Variants in NAA25 observed in about 807,000 individuals in gnomAD.
The protein encoded by NAA25 is N-alpha-acetyltransferase 25, NatB auxiliary subunit, also known as N-terminal acetyltransferase B complex subunit NAA25.
Under a neutral mutation model 132.5 loss-of-function variants are expected in NAA25, and 30 were observed. The ratio of observed to expected loss-of-function variants is 0.23; its 90% CI spans 0.17 to 0.31. The LOEUF (loss-of-function observed/expected upper bound fraction) is 0.31, where lower values mean the gene tolerates loss of function less well. Among genes scored for constraint, NAA25 ranks in the 10% least tolerant of loss-of-function variants. NAA25 has a pLI of 1.00. For missense variants in NAA25, 771 were observed against 1,150.4 expected (o/e 0.67, Z 4.77); for synonymous variants, 359 against 401.9 (o/e 0.89, Z 1.28).
At chr12:112,059,447 G>A (rs1343412853) in intron 13 of NAA25, among the ~76,000 whole-genome samples, 1 of 152,150 alleles carries the variant, frequency 6.6e-6, no homozygotes, top group African/African-American at 2.4e-5. Flanking sequence ...AAGAGAAAAT[G>A]TCAGGGGGTG....
intron 1 of NAA25, among the ~76,000 whole-genome samples, chr12:112,106,148 C>A (rs1593848276): frequency 6.6e-6 from 1 of 152,190 alleles, no homozygotes; most frequent in South Asian, 2.1e-4. Context: ...CTGAAGAAAG[C>A]CTCTTCTAAT....
At chr12:112,095,266 T>C (rs2079195018) in intron 1 of NAA25, among the ~76,000 whole-genome samples, 1 of 151,744 alleles carries the variant, frequency 6.6e-6, no homozygotes, top group Non-Finnish European at 1.5e-5. Flanking sequence ...TGAAACCCCA[T>C]CTCTACTAAA....
At chr12:112,080,681 A>G (rs533614681) in intron 5 of NAA25, among the ~76,000 whole-genome samples, 53 of 151,950 alleles carry the variant, frequency 3.5e-4, no homozygotes, top group Non-Finnish European at 7.2e-4. Context: ...TTATATTTTT[A>G]GTAGAGATGG....
intron 13 of NAA25, among the ~76,000 whole-genome samples, chr12:112,054,775 C>A (rs568803856): frequency 6.6e-6 from 1 of 152,260 alleles, no homozygotes; most frequent in South Asian, 2.1e-4. Context: ...TATTCTTAAA[C>A]ATGCCCACAG....
rs11066144 is a variant in NAA25, at chr12:112,069,757, T to C, written c.1037-765A>G. Among the ~76,000 whole-genome samples the C allele has an allele frequency of 0.055, 8,294 of 150,828 alleles. 1,251 individuals carry two copies. In the East Asian group the frequency reaches 0.61, roughly 11 times the overall value. On this transcript the variant is annotated intron_variant, in intron 10 of 23. Transcript: ENST00000261745. Reference sequence around the variant, plus strand: ...ACTGTTTGAACCTGGGAGGCGGAAGTTGCAGTGAGCCGAGACTGCGCCACT... The same window carrying C: ...ACTGTTTGAACCTGGGAGGCGGAAGCTGCAGTGAGCCGAGACTGCGCCACT...
intron 17 of NAA25, among the ~76,000 whole-genome samples, chr12:112,047,367 G>A (rs1290302744): frequency 6.6e-6 from 1 of 151,860 alleles, no homozygotes; most frequent in Non-Finnish European, 1.5e-5. Context: ...GAATAGCTGG[G>A]ATTACAGGCA....
chr12:112,053,162 T>A (rs975587645), intron 15 of NAA25, among the ~76,000 whole-genome samples: 2 of 152,216 alleles, frequency 1.3e-5, no homozygotes, highest in African/African-American at 4.8e-5. Context: ...TGGACATACA[T>A]TTCAGAGTTA....
At chr12:112,069,365 G>A (rs996326002) in intron 10 of NAA25, among the ~76,000 whole-genome samples, 3 of 152,100 alleles carry the variant, frequency 2.0e-5, no homozygotes, top group African/African-American at 4.8e-5. Flanking sequence ...TTAGCTGGGC[G>A]TGGCAGCACA....
At chr12:112,042,648 A>T (rs2136815172) in intron 19 of NAA25, among the ~76,000 whole-genome samples, 1 of 152,280 alleles carries the variant, frequency 6.6e-6, no homozygotes, top group African/African-American at 2.4e-5. Context: ...ATAAGACTAC[A>T]GGCGCCCGCC....
At chr12:112,073,049 C>G (rs1366037269) in intron 9 of NAA25, among the ~76,000 whole-genome samples, 2 of 151,788 alleles carry the variant, frequency 1.3e-5, no homozygotes, top group Non-Finnish European at 2.9e-5. Flanking sequence ...GCCTGGGCAA[C>G]ATGGTAAAAC....
rs1227149836 is a variant in NAA25, at chr12:112,054,420, G to A, written c.1596C>T (p.Leu532=). The A allele has an allele frequency of 3.1e-6, 5 of 1,613,862 alleles. No individual in the cohort carries two copies. Among genetic ancestry groups the A allele is most frequent in the African/African-American group, 1.3e-5 (1 of 74,864 alleles). Residue 532 remains leucine, a synonymous_variant, in exon 14 of 24, where the codon CTC becomes CTT. Coordinates refer to ENST00000261745, the MANE Select transcript of NAA25 (RefSeq NM_024953.4). The part of the protein sequence containing the change: ...FEPVVDLYSS[L]DAKHIQHDTI... Reference sequence around the variant, plus strand: ...TATCATGCTGGATATGCTTAGCATCGAGGCTGGAGTAAAGATCCACCACTG... The same window carrying A: ...TATCATGCTGGATATGCTTAGCATCAAGGCTGGAGTAAAGATCCACCACTG...
Position 112,043,758 on chromosome 12 carries a change from G to C in NAA25, c.2117C>G (p.Pro706Arg), listed in dbSNP as rs780387848. The C allele has an allele frequency of 6.2e-7, 1 of 1,613,976 alleles. No homozygotes were observed. Among genetic ancestry groups the C allele is most frequent in the Non-Finnish European group, 8.5e-7 (1 of 1,180,022 alleles). The change falls in exon 18 of 24, where the codon CCT becomes CGT. Residue 706 changes from proline to arginine, a missense_variant. By Grantham distance (103) the Pro-to-Arg change is moderately radical. Transcript: ENST00000261745. ...CTTCTCCGAGTTCTTTGGCTCCACAGGGTGGTTGAGACTTGGAAGTCCACT... is the reference window on the plus strand; with the variant it reads ...CTTCTCCGAGTTCTTTGGCTCCACACGGTGGTTGAGACTTGGAAGTCCACT... ...LISGLPSLNH[P>R]VEPKNSEKTA...
intron 2 of NAA25, among the ~76,000 whole-genome samples, chr12:112,092,322 G>T (rs73207611): frequency 6.6e-6 from 1 of 151,676 alleles, no homozygotes; most frequent in Non-Finnish European, 1.5e-5. Context: ...ATAAAGTACC[G>T]AGAAAAAAAC....
At chr12:112,046,678 A>G (rs999198301) in intron 17 of NAA25, among the ~76,000 whole-genome samples, 1 of 152,248 alleles carries the variant, frequency 6.6e-6, no homozygotes, top group Non-Finnish European at 1.5e-5. Context: ...TATAAAATTT[A>G]TCCCTGTGTA....
Position 112,049,507 on chromosome 12 carries a change from T to C in NAA25, c.1729-1064A>G. 5 of 985,812 alleles carry C rather than the reference T, an allele frequency of 5.1e-6. No homozygotes were observed. Among genetic ancestry groups the C allele is most frequent in the Non-Finnish European group, 6.0e-6 (5 of 829,942 alleles). 61.1% of individuals were successfully genotyped at this position (985,812 alleles called of 1,614,324 possible). On this transcript the variant is annotated intron_variant, in intron 15 of 23. Coordinates refer to ENST00000261745, the MANE Select transcript of NAA25 (RefSeq NM_024953.4). This position sits in a 1 kb window ranked among gnomAD's most constrained non-coding sequence, Gnocchi z 4.7. The stretch of plus-strand genomic sequence containing the variant: ...CCCTCTGATATACAGCCTTGCAGGG[T>C]TCATTTCAGGCCGCGGGATTGCGCC...
intron 1 of NAA25, chr12:112,097,501 G>A (rs1241149799): frequency 6.6e-6 from 1 of 151,786 alleles, no homozygotes; most frequent in Non-Finnish European, 1.5e-5. Context: ...CAGCTACTCG[G>A]GAGGCTGAGG....
intron 1 of NAA25, among the ~76,000 whole-genome samples, chr12:112,106,368 GA>G (rs1566039381): frequency 1.3e-5 from 2 of 151,376 alleles, no homozygotes; most frequent in African/African-American, 4.9e-5. Flanking sequence ...AATTATTCTT[GA>G]AAGTATTGAG....
Position 112,090,862 on chromosome 12 carries a change from A to G in NAA25, c.147T>C (p.Val49=). 1.3e-6 allele frequency: 2 copies of G among 1,595,524 alleles called. No individual in the cohort carries two copies. The highest frequency in any genetic ancestry group is 8.5e-7 in the Non-Finnish European group (1 of 1,174,964). ...KKHKDLHCAK[V]LKAIGLQRTG... is the part of the protein sequence containing the mutation. ...TTCTCTGTAAACCAATTGCCTTTAA[A>G]ACCTGATAGCAACAAAAGAAAAATC... is the stretch of plus-strand genomic sequence containing the variant. The change falls in exon 3 of 24, where the codon GTT becomes GTC. Residue 49 remains valine (V), a splice_region_variant and synonymous_variant. Coordinates refer to ENST00000261745, the MANE Select transcript of NAA25 (RefSeq NM_024953.4).
chr12:112,074,858 T>C, intron 8 of NAA25, 94 bp from the exon 9 acceptor site: 4 of 870,098 alleles, frequency 4.6e-6, no homozygotes, highest in Non-Finnish European at 7.2e-6. Context: ...TTGTAAGTTA[T>C]ATTTTAGTAT....
Sources: allele counts gnomAD v4.1 joint callset (sites outside exome capture counted in the v4.1 genomes callset), GRCh38; gene constraint gnomAD v4.1.1; non-coding constraint Gnocchi (gnomAD v3.1); transcripts MANE v1.5; gene names NCBI Gene and HGNC (gene_info 2026-07-23, HGNC 2026-07-21).